The following VAV1 variants were observed in gnomAD, a reference collection of about 807,000 sequenced individuals.
VAV1 encodes proto-oncogene vav.
VAV1 carries 33 observed loss-of-function variants against 128.1 expected under a neutral mutation model. The ratio of observed to expected loss-of-function variants is 0.26; its 90% CI spans 0.20 to 0.34. The LOEUF (loss-of-function observed/expected upper bound fraction) is 0.34, where lower values mean the gene tolerates loss of function less well. VAV1 is among the 10% of genes least tolerant of loss of function. The pLI is 1.00. For synonymous variants in VAV1, 394 were observed against 409.8 expected, an observed-to-expected ratio of 0.96 and a Z score of 0.47; for missense variants, 715 against 1,093.7, an observed-to-expected ratio of 0.65 and a Z score of 4.88.
chr19:6,804,185 A>G (rs73502233), intron 1 of VAV1, among the ~76,000 whole-genome samples: 3,759 of 151,778 alleles, frequency 0.025, 130 homozygotes, highest in African/African-American at 0.079. Context: ...AATCCAGAGA[A>G]TGTGACGCAC....
rs558237627 is a variant in VAV1 at position 6,842,479 on chromosome 19, T to G, written c.1981-656T>G. 4.6e-5 allele frequency among the ~76,000 whole-genome samples: 7 copies of G among 152,196 alleles called. No homozygotes were observed. The East Asian group carries it at 1.2e-3, about 25-fold the overall frequency. ...CGGCTGTGTTCCTACAAAGCATAAT[T>G]CATGGGCACTGACAGGTGAATTTCA... On this transcript the variant is annotated intron_variant, in intron 21 of 26. Coordinates refer to ENST00000602142, the MANE Select transcript of VAV1 (RefSeq NM_005428.4).
chr19:6,789,650 T>A (rs1970974522), intron 1 of VAV1, among the ~76,000 whole-genome samples: 1 of 151,368 alleles, frequency 6.6e-6, no homozygotes, highest in African/African-American at 2.5e-5. Flanking sequence ...CAGACTGGAC[T>A]ACAGTGGTGT....
At chr19:6,856,188 T>G (rs1454236857) in intron 26 of VAV1, among the ~76,000 whole-genome samples, 3 of 151,992 alleles carry the variant, frequency 2.0e-5, no homozygotes, top group African/African-American at 7.3e-5. Context: ...TCCCAGGTAC[T>G]CGTTAAGCTG....
At chr19:6,778,402 C>T (rs1044967757) in intron 1 of VAV1, among the ~76,000 whole-genome samples, 1 of 152,102 alleles carries the variant, frequency 6.6e-6, no homozygotes, top group Non-Finnish European at 1.5e-5. Flanking sequence ...GTTAAGTTCC[C>T]CAGCCCCAGT....
intron 15 of VAV1, among the ~76,000 whole-genome samples, chr19:6,832,871 T>C (rs1347754266): frequency 2.0e-5 from 3 of 152,186 alleles, no homozygotes; most frequent in Admixed American, 6.6e-5. Context: ...CTAACAGCAT[T>C]GTGCAACCAT....
intron 1 of VAV1, among the ~76,000 whole-genome samples, chr19:6,815,645 A>C (rs1971628902): frequency 6.6e-6 from 1 of 152,208 alleles, no homozygotes; most frequent in Non-Finnish European, 1.5e-5. Context: ...AAATGAATTC[A>C]CACACACAGC....
chr19:6,809,159 C>A lies in VAV1; in HGVS notation c.205-11543C>A, dbSNP rs916475850. Among the ~76,000 whole-genome samples the A allele has an allele frequency of 2.6e-5, 4 of 151,328 alleles. No homozygotes were observed. In the East Asian group the frequency reaches 7.8e-4, roughly 29 times the overall value. On this transcript the variant is annotated intron_variant, in intron 1 of 26. Coordinates refer to ENST00000602142, the MANE Select transcript of VAV1 (RefSeq NM_005428.4). ...GCAGTGACTTGATCTTAGCTCACTG[C>A]AACCTCAAACTCCTGGACTCAATTG...
At chr19:6,806,445 C>T (rs1403912089) in intron 1 of VAV1, among the ~76,000 whole-genome samples, 2 of 152,102 alleles carry the variant, frequency 1.3e-5, no homozygotes, top group East Asian at 3.9e-4. Context: ...GAAGCAAACT[C>T]GTATGTGGGT....
chr19:6,843,607 C>G (rs941178303), intron 22 of VAV1, among the ~76,000 whole-genome samples: 7 of 152,106 alleles, frequency 4.6e-5, no homozygotes, highest in African/African-American at 1.4e-4. Flanking sequence ...AGCTGTATGA[C>G]CTTGGGCCGG....
At chr19:6,856,088 A>C (rs1972791969) in intron 26 of VAV1, among the ~76,000 whole-genome samples, 1 of 152,118 alleles carries the variant, frequency 6.6e-6, no homozygotes, top group Non-Finnish European at 1.5e-5. Context: ...TGAGGAGAGG[A>C]GTTTGAGACC....
intron 1 of VAV1, among the ~76,000 whole-genome samples, chr19:6,776,184 CCATCCAT>C: frequency 6.7e-6 from 1 of 149,312 alleles, no homozygotes; most frequent in East Asian, 2.0e-4. Context: ...ATCCATCCAT[CCATCCAT>C]CCACTCCTCC....
rs746830286 is a variant in VAV1 at position 6,850,774 on chromosome 19, G to A, written c.2217+17G>A. ...GGGCTTACGGTAAGGGTCAATGTCC[G>A]CTCAATCCCAGCTTTCCAGAACCTA... On this transcript the variant is annotated intron_variant, in intron 24 of 26. Coordinates refer to ENST00000602142, the MANE Select transcript of VAV1 (RefSeq NM_005428.4). 1.1e-5 allele frequency: 18 copies of A among 1,612,496 alleles called. No individual in the cohort carries two copies. The highest frequency in any genetic ancestry group is 8.0e-5 in the African/African-American group (6 of 74,830).
At chr19:6,842,495 G>A (rs542502495) in intron 21 of VAV1, among the ~76,000 whole-genome samples, 13 of 152,184 alleles carry the variant, frequency 8.5e-5, no homozygotes, top group African/African-American at 3.1e-4. Flanking sequence ...GCACTGACAG[G>A]TGAATTTCAT....
intron 1 of VAV1, among the ~76,000 whole-genome samples, chr19:6,797,540 C>A (rs1473687987): frequency 1.3e-5 from 2 of 151,690 alleles, no homozygotes; most frequent in African/African-American, 2.4e-5. Flanking sequence ...CCAGTCTCTA[C>A]TAAAACTGCA....
At chr19:6,814,663 C>CCTTCCTTCCTTTCTTT (rs1376484699) in intron 1 of VAV1, among the ~76,000 whole-genome samples, 2 of 26,530 alleles carry the variant, frequency 7.5e-5, no homozygotes, top group African/African-American at 5.1e-4. Flanking sequence ...TTCCTTCCTT[C>CCTTCCTTCCTTTCTTT]CTTCCTTCCT....
In VAV1 at chr19:6,828,797, C is replaced by T; in HGVS notation, c.1180-18C>T. 6.2e-7 allele frequency: 1 copy of T among 1,614,108 alleles called. No homozygotes were observed. The highest frequency in any genetic ancestry group is 8.5e-7 in the Non-Finnish European group (1 of 1,180,004). On this transcript the variant is annotated intron_variant, in intron 12 of 26. Transcript: ENST00000602142. The surrounding 1 kb of genome is among the most constrained non-coding windows in gnomAD (Gnocchi z 4.5). ...CTTTCTTGGGAGACCCTTGCTAGACCCCCTGCCTACTGCATAGGACCAGTC... is the reference window on the plus strand; with the variant it reads ...CTTTCTTGGGAGACCCTTGCTAGACTCCCTGCCTACTGCATAGGACCAGTC...
At chr19:6,805,583 T>TACAC (rs55732746) in intron 1 of VAV1, among the ~76,000 whole-genome samples, 9,319 of 138,996 alleles carry the variant, frequency 0.067, 923 homozygotes, top group African/African-American at 0.22. Context: ...TTTCTACAGA[T>TACAC]ACACACACAC....
intron 1 of VAV1, among the ~76,000 whole-genome samples, chr19:6,795,158 C>T (rs1283907625): frequency 6.6e-6 from 1 of 152,124 alleles, no homozygotes; most frequent in Non-Finnish European, 1.5e-5. Context: ...AACAAGAAGC[C>T]ATACCCTGGC....
chr19:6,831,888 A>C, intron 14 of VAV1, among the ~76,000 whole-genome samples: 1 of 151,596 alleles, frequency 6.6e-6, no homozygotes, highest in African/African-American at 2.4e-5. Context: ...GTGCATGTGC[A>C]CGCCTGCGTA....
Sources: gnomAD v4.1 joint callset for allele counts (sites outside exome capture counted in the v4.1 genomes callset) on GRCh38, gnomAD v4.1.1 for gene constraint, Gnocchi (gnomAD v3.1) non-coding constraint, MANE v1.5 for transcripts, NCBI Gene and HGNC (gene_info 2026-07-23, HGNC 2026-07-21) for gene names.